The following CSMD1 variants were observed in gnomAD, a reference collection of about 807,000 sequenced individuals.
CSMD1 encodes CUB and sushi domain-containing protein 1.
CSMD1 carries 213 observed loss-of-function variants against 417.5 expected under a neutral mutation model. That is an observed-to-expected ratio of 0.51 (90% CI 0.46 to 0.57). CSMD1 has a LOEUF of 0.57. CSMD1 is among the 20% of genes least tolerant of loss of function. CSMD1 has a pLI of 0.00. For synonymous variants in CSMD1, 2,862 were observed against 1,736.8 expected, an observed-to-expected ratio of 1.65 and a Z score of -16.11; for missense variants, 6,923 against 4,529.7, an observed-to-expected ratio of 1.53 and a Z score of -15.17.
chr8:3,659,474 G>C (rs140037624), intron 7 of CSMD1, among the ~76,000 whole-genome samples: 2 of 152,152 alleles, frequency 1.3e-5, no homozygotes, highest in Admixed American at 1.3e-4. Flanking sequence ...AAACACAGAA[G>C]CAGATGCGTT....
intron 1 of CSMD1, among the ~76,000 whole-genome samples, chr8:4,756,646 G>A (rs10503275): frequency 0.088 from 13,321 of 152,152 alleles, 706 homozygotes; most frequent in South Asian, 0.12. Context: ...GATTAACTTC[G>A]CCCTGGAGGA....
intron 8 of CSMD1, among the ~76,000 whole-genome samples, chr8:3,600,908 T>C (rs1475186530): frequency 6.6e-6 from 1 of 152,248 alleles, no homozygotes; most frequent in African/African-American, 2.4e-5. Flanking sequence ...AAAATGGTTT[T>C]GCTATGTGAT....
At chr8:4,200,805 C>G (rs1469911547) in intron 3 of CSMD1, among the ~76,000 whole-genome samples, 1 of 152,206 alleles carries the variant, frequency 6.6e-6, no homozygotes, top group African/African-American at 2.4e-5. Context: ...CTTCAGTGAA[C>G]TATTGTTAGG....
chr8:3,741,465 G>A (rs928564347), intron 6 of CSMD1, among the ~76,000 whole-genome samples: 4 of 152,202 alleles, frequency 2.6e-5, no homozygotes, highest in African/African-American at 4.8e-5. Context: ...AGAGGGAGTA[G>A]CAATTTTACA....
intron 1 of CSMD1, among the ~76,000 whole-genome samples, chr8:4,942,161 A>G (rs1346584779): frequency 4.6e-5 from 7 of 152,140 alleles, no homozygotes; most frequent in Non-Finnish European, 1.0e-4. Context: ...TTATTTTTCA[A>G]GTCACTTATT....
At chr8:4,908,688 A>G (rs1028790621) in intron 1 of CSMD1, among the ~76,000 whole-genome samples, 1 of 150,734 alleles carries the variant, frequency 6.6e-6, no homozygotes, top group Non-Finnish European at 1.5e-5. Flanking sequence ...CAGTCTAGCA[A>G]TGAGTCCATC....
chr8:4,452,692 C>A (rs940417160), intron 2 of CSMD1, among the ~76,000 whole-genome samples: 1 of 152,010 alleles, frequency 6.6e-6, no homozygotes, highest in Non-Finnish European at 1.5e-5. Flanking sequence ...AGTCTAAATC[C>A]TGATACTCTC....
At chr8:4,173,298 A>C (rs1797866578) in intron 3 of CSMD1, among the ~76,000 whole-genome samples, 1 of 152,184 alleles carries the variant, frequency 6.6e-6, no homozygotes, top group Non-Finnish European at 1.5e-5. Flanking sequence ...TGAGTTCCAA[A>C]TTGAAGTGGG....
chr8:4,774,262 C>A (rs1796736738), intron 1 of CSMD1, among the ~76,000 whole-genome samples: 1 of 152,072 alleles, frequency 6.6e-6, no homozygotes, highest in East Asian at 1.9e-4. Context: ...GCGAATGGGG[C>A]AATGTTAAAT....
intron 3 of CSMD1, among the ~76,000 whole-genome samples, chr8:4,095,704 G>A (rs77957797): frequency 6.6e-6 from 1 of 152,100 alleles, no homozygotes; most frequent in East Asian, 1.9e-4. Context: ...GCTATGATGA[G>A]GTGCATCCGT....
At chr8:4,421,427 T>C (rs1222948190) in intron 2 of CSMD1, among the ~76,000 whole-genome samples, 1 of 152,048 alleles carries the variant, frequency 6.6e-6, no homozygotes, top group African/African-American at 2.4e-5. Context: ...TAAACCATAT[T>C]CGAGGCCATA....
At chr8:3,927,167 A>T (rs1308068437) in intron 5 of CSMD1, among the ~76,000 whole-genome samples, 1 of 151,968 alleles carries the variant, frequency 6.6e-6, no homozygotes, top group Non-Finnish European at 1.5e-5. Flanking sequence ...TAAAGTTTTG[A>T]AGCTATAATT....
At chr8:4,832,893 C>T (rs995071020) in intron 1 of CSMD1, among the ~76,000 whole-genome samples, 7 of 151,968 alleles carry the variant, frequency 4.6e-5, no homozygotes, top group East Asian at 1.9e-4. Flanking sequence ...CAGAAAGCTC[C>T]GAACTAGCTC....
At chr8:4,556,239 C>T (rs1195556518) in intron 2 of CSMD1, among the ~76,000 whole-genome samples, 2 of 152,034 alleles carry the variant, frequency 1.3e-5, no homozygotes, top group African/African-American at 4.8e-5. Context: ...GGATTTCTCC[C>T]AGGAAAATGA....
At chr8:4,527,808 G>T (rs1526339) in intron 2 of CSMD1, among the ~76,000 whole-genome samples, 1 of 151,980 alleles carries the variant, frequency 6.6e-6, no homozygotes, top group African/African-American at 2.4e-5. Flanking sequence ...AAAGTCTAAT[G>T]CAGAAGTTAG....
intron 3 of CSMD1, among the ~76,000 whole-genome samples, chr8:4,054,951 T>C (rs750401291): frequency 6.6e-6 from 1 of 152,150 alleles, no homozygotes; most frequent in Non-Finnish European, 1.5e-5. Flanking sequence ...CAAAGAGACA[T>C]CAAAAGTTTT....
At chr8:3,984,083 G>T (rs867036981) in intron 5 of CSMD1, among the ~76,000 whole-genome samples, 12 of 146,998 alleles carry the variant, frequency 8.2e-5, no homozygotes, top group Non-Finnish European at 1.8e-4. Flanking sequence ...GCACACCACA[G>T]ATCTAACAGG....
chr8:4,034,904 A>G (rs1180256373), intron 3 of CSMD1, among the ~76,000 whole-genome samples: 2 of 152,222 alleles, frequency 1.3e-5, no homozygotes, highest in African/African-American at 4.8e-5. Context: ...AAAGATAACC[A>G]CAATGACCAG....
chr8:4,015,731 A>C (rs2130465576), intron 4 of CSMD1, among the ~76,000 whole-genome samples: 1 of 152,072 alleles, frequency 6.6e-6, no homozygotes, highest in African/African-American at 2.4e-5. Context: ...GTTGAAAAAT[A>C]CTGACAATGT....
Sources: allele counts gnomAD v4.1 joint callset (sites outside exome capture counted in the v4.1 genomes callset), GRCh38; gene constraint gnomAD v4.1.1; transcripts MANE v1.5; gene names NCBI Gene and HGNC (gene_info 2026-07-23, HGNC 2026-07-21).